NRXN1: variants seen among roughly 807,000 people sequenced by gnomAD.
NRXN1 encodes neurexin 1.
Under a neutral mutation model 150.9 loss-of-function variants are expected in NRXN1, and 39 were observed. The ratio of observed to expected loss-of-function variants is 0.26; its 90% CI spans 0.20 to 0.34. The LOEUF is 0.34. NRXN1 is among the 10% of genes least tolerant of loss of function. NRXN1 has a pLI of 1.00. For synonymous variants in NRXN1, 924 were observed against 757.0 expected (o/e 1.22, Z -3.62); for missense variants, 1,815 against 1,949.9 (o/e 0.93, Z 1.30).
At chr2:49,964,698 G>A (rs1275414451) in intron 21 of NRXN1, among the ~76,000 whole-genome samples, 1 of 151,676 alleles carries the variant, frequency 6.6e-6, no homozygotes, top group Non-Finnish European at 1.5e-5. Context: ...AAAATTAGCT[G>A]GACATGGTGG....
intron 5 of NRXN1, among the ~76,000 whole-genome samples, chr2:50,849,490 T>C (rs1674192529): frequency 6.6e-6 from 1 of 152,200 alleles, no homozygotes; most frequent in Admixed American, 6.5e-5. Context: ...CAAGCATCAA[T>C]TAGCAAACAC....
intron 21 of NRXN1, among the ~76,000 whole-genome samples, chr2:49,998,162 G>A (rs1683298786): frequency 6.6e-6 from 1 of 152,126 alleles, no homozygotes; most frequent in Non-Finnish European, 1.5e-5. Context: ...TGAGTTAAGG[G>A]AGGAAAGAAT....
chr2:50,447,970 T>C (rs139993365), intron 17 of NRXN1, among the ~76,000 whole-genome samples: 3 of 151,620 alleles, frequency 2.0e-5, no homozygotes, highest in Non-Finnish European at 4.4e-5. Context: ...TATCGTAAAA[T>C]ATACTGTGTT....
At chr2:50,677,434 C>G (rs1256912454) in intron 5 of NRXN1, among the ~76,000 whole-genome samples, 1 of 152,098 alleles carries the variant, frequency 6.6e-6, no homozygotes, top group African/African-American at 2.4e-5. Context: ...GTCTAAGAAA[C>G]TCTACTGTAT....
intron 5 of NRXN1, among the ~76,000 whole-genome samples, chr2:50,909,874 T>C (rs1030454305): frequency 6.6e-6 from 1 of 151,964 alleles, no homozygotes; most frequent in Admixed American, 6.6e-5. Flanking sequence ...CTAAAACTAG[T>C]TCATTGCAAG....
chr2:50,728,522 A>G (rs948675018), intron 5 of NRXN1, among the ~76,000 whole-genome samples: 12 of 152,170 alleles, frequency 7.9e-5, no homozygotes, highest in Non-Finnish European at 1.3e-4. Context: ...TTTTCTTGAA[A>G]TAATGTTTTG....
At chr2:51,021,879 T>A (rs1471121952) in intron 2 of NRXN1, among the ~76,000 whole-genome samples, 1 of 152,078 alleles carries the variant, frequency 6.6e-6, no homozygotes, top group African/African-American at 2.4e-5. Flanking sequence ...TTAGTTTATG[T>A]GGAAAGTGAA....
At chr2:50,572,817 A>C (rs1168775303) in intron 8 of NRXN1, among the ~76,000 whole-genome samples, 1 of 152,230 alleles carries the variant, frequency 6.6e-6, no homozygotes, top group African/African-American at 2.4e-5. Flanking sequence ...TTATTTTCTT[A>C]GTGGTCAAAA....
chr2:49,992,019 C>A (rs967556813), intron 21 of NRXN1, among the ~76,000 whole-genome samples: 1 of 152,250 alleles, frequency 6.6e-6, no homozygotes, highest in African/African-American at 2.4e-5. Flanking sequence ...GGTGCTAGAA[C>A]AACTAGACAT....
Position 50,452,508 on chromosome 2 carries a change from G to A in NRXN1, c.3364+12934C>T, listed in dbSNP as rs148511231. Among the ~76,000 whole-genome samples, 214 of 152,228 alleles carry A rather than the reference G, an allele frequency of 1.4e-3. 3 individuals carry two copies. The East Asian group carries it at 0.037, about 26-fold the overall frequency. On this transcript the variant is annotated intron_variant, in intron 17 of 22. Coordinates refer to ENST00000401669, the MANE Select transcript of NRXN1 (RefSeq NM_001330078.2). ...AAGGCCACATACTGGGATTACAGCC[G>A]AAGAATCTTTGCATGTAAATCCTAT...
At chr2:50,689,655 G>A (rs1691764954) in intron 5 of NRXN1, among the ~76,000 whole-genome samples, 1 of 152,198 alleles carries the variant, frequency 6.6e-6, no homozygotes, top group Non-Finnish European at 1.5e-5. Flanking sequence ...GGTAGCAAAA[G>A]AGGGAGTTCT....
intron 17 of NRXN1, among the ~76,000 whole-genome samples, chr2:50,382,527 C>T (rs2081045595): frequency 6.6e-6 from 1 of 152,026 alleles, no homozygotes; most frequent in South Asian, 2.1e-4. Flanking sequence ...AAAGAGGAAA[C>T]CTTTCTCCTG....
intron 17 of NRXN1, among the ~76,000 whole-genome samples, chr2:50,243,131 T>C (rs1470109897): frequency 2.0e-5 from 3 of 151,776 alleles, no homozygotes; most frequent in African/African-American, 7.2e-5. Flanking sequence ...GTTAATATTA[T>C]TATATTGTAA....
chr2:50,630,633 A>G (rs1004709921), intron 5 of NRXN1, among the ~76,000 whole-genome samples: 2 of 151,760 alleles, frequency 1.3e-5, no homozygotes, highest in African/African-American at 2.4e-5. Context: ...AAACTAGCCA[A>G]TATTATTATT....
At chr2:50,894,531 CA>C (rs1479488215) in intron 5 of NRXN1, among the ~76,000 whole-genome samples, 5 of 151,894 alleles carry the variant, frequency 3.3e-5, no homozygotes, top group Non-Finnish European at 4.4e-5. Context: ...ATATTCTATA[CA>C]CAAAGAAATA....
chr2:50,594,791 C>T (rs952770080), intron 8 of NRXN1, among the ~76,000 whole-genome samples: 2 of 151,932 alleles, frequency 1.3e-5, no homozygotes, highest in Admixed American at 1.3e-4. Flanking sequence ...TCCCTTTTTG[C>T]CATCTTTCAC....
At chr2:50,633,531 T>C (rs889564200) in intron 5 of NRXN1, among the ~76,000 whole-genome samples, 1 of 151,802 alleles carries the variant, frequency 6.6e-6, no homozygotes, top group Non-Finnish European at 1.5e-5. Context: ...GTTTTTTTTT[T>C]CAGATGGAAT....
chr2:50,595,746 G>T (rs1179190632), intron 8 of NRXN1, among the ~76,000 whole-genome samples: 3 of 152,132 alleles, frequency 2.0e-5, no homozygotes, highest in Admixed American at 1.3e-4. Context: ...AGTCTCTCAG[G>T]TGTTTTTTGA....
At chr2:50,689,316 C>T (rs1234069867) in intron 5 of NRXN1, among the ~76,000 whole-genome samples, 2 of 152,020 alleles carry the variant, frequency 1.3e-5, no homozygotes, top group Non-Finnish European at 2.9e-5. Context: ...AATTCCATCG[C>T]CCTCAAAGAT....
Sources: gnomAD v4.1 joint callset for allele counts (sites outside exome capture counted in the v4.1 genomes callset) on GRCh38, gnomAD v4.1.1 for gene constraint, MANE v1.5 for transcripts, NCBI Gene and HGNC (gene_info 2026-07-23, HGNC 2026-07-21) for gene names.